ANKS1B: variants seen among roughly 807,000 people sequenced by gnomAD.
ANKS1B encodes the protein ankyrin repeat and sterile alpha motif domain-containing protein 1B.
Under a neutral mutation model 148.3 loss-of-function variants are expected in ANKS1B, and 36 were observed. The observed-to-expected ratio is 0.24, with a 90% CI of 0.19 to 0.32. The LOEUF is 0.32. Among genes scored for constraint, ANKS1B ranks in the 10% least tolerant of loss-of-function variants. The probability of loss-of-function intolerance (pLI) is 1.00; values close to 1 mark genes in which losing one functional copy is unlikely to be tolerated. For synonymous variants in ANKS1B, 542 were observed against 560.8 expected, an observed-to-expected ratio of 0.97 and a Z score of 0.47; for missense variants, 1,157 against 1,542.6, an observed-to-expected ratio of 0.75 and a Z score of 4.19.
At chr12:99,905,596 A>G (rs1278447235) in intron 1 of ANKS1B, among the ~76,000 whole-genome samples, 1 of 152,240 alleles carries the variant, frequency 6.6e-6, no homozygotes, top group African/African-American at 2.4e-5. Flanking sequence ...TGGGAGGCTT[A>G]AACAACAGAA....
chr12:99,959,250 T>TC (rs1491508290), intron 1 of ANKS1B, among the ~76,000 whole-genome samples: 1 of 116,110 alleles, frequency 8.6e-6, no homozygotes, highest in African/African-American at 3.5e-5. Flanking sequence ...TTTTTTTTTT[T>TC]GTATTTTCAG....
chr12:99,474,163 A>G (rs896178434), intron 10 of ANKS1B, among the ~76,000 whole-genome samples: 4 of 152,166 alleles, frequency 2.6e-5, no homozygotes, highest in Non-Finnish European at 5.9e-5. Context: ...AGATTAATCC[A>G]TATATACTGT....
In ANKS1B at chr12:98,832,101, A is replaced by G. The variant is rs574705271; in HGVS notation, c.2814T>C (p.Arg938=). 4.3e-5 allele frequency: 69 copies of G among 1,593,340 alleles called. No individual in the cohort carries two copies. The highest frequency in any genetic ancestry group is 5.9e-5 in the Non-Finnish European group (69 of 1,169,160). The change falls in exon 18 of 27, where the codon CGT becomes CGC. Residue 938 remains arginine (R), a synonymous_variant. Coordinates refer to ENST00000683438, the MANE Select transcript of ANKS1B (RefSeq NM_001352186.2). ...LKINLIGHRK[R]ILASLGDRLH... ...GCCTGTCTCCCAGAGATGCCAAAAT[A>G]CGTTTCCTGTGGCCAATCAAATTGA... is the stretch of plus-strand genomic sequence containing the variant.
chr12:99,263,649 G>A (rs2076150029), intron 12 of ANKS1B, among the ~76,000 whole-genome samples: 1 of 152,056 alleles, frequency 6.6e-6, no homozygotes, highest in Non-Finnish European at 1.5e-5. Flanking sequence ...ATTGGATCAT[G>A]GGGGTGGTTT....
chr12:99,369,498 G>A (rs974145456), intron 12 of ANKS1B, among the ~76,000 whole-genome samples: 1 of 152,082 alleles, frequency 6.6e-6, no homozygotes. Flanking sequence ...AAAAGCAGCT[G>A]CAAGGTCATT....
At chr12:99,139,518 T>C (rs1474786253) in intron 15 of ANKS1B, among the ~76,000 whole-genome samples, 1 of 137,782 alleles carries the variant, frequency 7.3e-6, no homozygotes, top group East Asian at 2.1e-4. Flanking sequence ...TCTCAGGCAA[T>C]GCTCCTGATT....
intron 1 of ANKS1B, among the ~76,000 whole-genome samples, chr12:99,964,795 A>G (rs2095464560): frequency 6.6e-6 from 1 of 152,182 alleles, no homozygotes; most frequent in Non-Finnish European, 1.5e-5. Context: ...AGAGAGTCAG[A>G]TATGAAAAGG....
chr12:99,571,205 CAT>C (rs1246936885), intron 9 of ANKS1B, among the ~76,000 whole-genome samples: 4 of 152,018 alleles, frequency 2.6e-5, no homozygotes, highest in Admixed American at 2.0e-4. Context: ...TTTACCATAA[CAT>C]GTGTATAAAA....
chr12:99,085,816 G>C (rs2051526987), intron 15 of ANKS1B, among the ~76,000 whole-genome samples: 1 of 152,128 alleles, frequency 6.6e-6, no homozygotes. Context: ...TAAATGATGA[G>C]AACACACGGA....
At chr12:99,187,440 A>G (rs1456698140) in intron 14 of ANKS1B, among the ~76,000 whole-genome samples, 2 of 152,170 alleles carry the variant, frequency 1.3e-5, no homozygotes, top group Non-Finnish European at 2.9e-5. Flanking sequence ...GCAGCCAGAG[A>G]GAAAGGTTAG....
At chr12:99,378,185 G>A (rs2093470449) in intron 12 of ANKS1B, among the ~76,000 whole-genome samples, 1 of 152,064 alleles carries the variant, frequency 6.6e-6, no homozygotes, top group Non-Finnish European at 1.5e-5. Flanking sequence ...AACAATATAG[G>A]GTTTCTAAGT....
chr12:99,090,464 T>C (rs2053644859), intron 15 of ANKS1B, among the ~76,000 whole-genome samples: 1 of 152,164 alleles, frequency 6.6e-6, no homozygotes, highest in Non-Finnish European at 1.5e-5. Flanking sequence ...ATGATACTGT[T>C]GATTGGGGAA....
At chr12:99,027,064 TC>T (rs2099949169) in intron 17 of ANKS1B, among the ~76,000 whole-genome samples, 2 of 152,206 alleles carry the variant, frequency 1.3e-5, no homozygotes, top group Non-Finnish European at 2.9e-5. Context: ...GTATCTGGCT[TC>T]TCAAATAATA....
chr12:99,855,272 A>G (rs534260595), intron 1 of ANKS1B, among the ~76,000 whole-genome samples: 12 of 152,158 alleles, frequency 7.9e-5, no homozygotes, highest in African/African-American at 2.9e-4. Context: ...TCTTATATTC[A>G]ATATATATTC....
intron 17 of ANKS1B, among the ~76,000 whole-genome samples, chr12:99,047,322 C>T (rs574853266): frequency 1.1e-4 from 17 of 152,022 alleles, no homozygotes; most frequent in African/African-American, 4.1e-4. Context: ...ATCGCTTGAA[C>T]CTGGGAGGCG....
intron 12 of ANKS1B, among the ~76,000 whole-genome samples, chr12:99,286,627 G>T (rs2079154555): frequency 6.6e-6 from 1 of 152,132 alleles, no homozygotes; most frequent in South Asian, 2.1e-4. Context: ...CCAGGCCTTG[G>T]TTCTTAGATG....
At chr12:99,925,312 G>A (rs190239099) in intron 1 of ANKS1B, among the ~76,000 whole-genome samples, 6 of 152,242 alleles carry the variant, frequency 3.9e-5, no homozygotes, top group Admixed American at 2.6e-4. Context: ...GGCCAGATGA[G>A]ATTCAAATCT....
chr12:99,584,222 T>C lies in ANKS1B; in HGVS notation c.1272+70845A>G, dbSNP rs925203234. Among the ~76,000 whole-genome samples, 19 of 152,264 alleles carry C rather than the reference T, an allele frequency of 1.2e-4. 2 individuals carry two copies. The highest frequency in any genetic ancestry group is 2.6e-4 in the African/African-American group (11 of 41,552). ...AGTCATGGGCAAAAGCTTATGAAAATTGATTTAGCAAAACAAAGCCCAGGG... is the reference window on the plus strand; with the variant it reads ...AGTCATGGGCAAAAGCTTATGAAAACTGATTTAGCAAAACAAAGCCCAGGG... On this transcript the variant is annotated intron_variant, in intron 9 of 26. Coordinates refer to ENST00000683438, the MANE Select transcript of ANKS1B (RefSeq NM_001352186.2).
intron 12 of ANKS1B, among the ~76,000 whole-genome samples, chr12:99,278,834 A>G (rs1602347158): frequency 6.6e-6 from 1 of 152,342 alleles, no homozygotes; most frequent in East Asian, 1.9e-4. Context: ...AAAAGTCTCT[A>G]CTGGCTGTGG....
Sources: gnomAD v4.1 joint callset for allele counts (sites outside exome capture counted in the v4.1 genomes callset) on GRCh38, gnomAD v4.1.1 for gene constraint, MANE v1.5 for transcripts, NCBI Gene and HGNC (gene_info 2026-07-23, HGNC 2026-07-21) for gene names.